The following AGTPBP1 variants were observed in gnomAD, a reference collection of about 807,000 sequenced individuals.
The protein encoded by AGTPBP1 is ATP/GTP binding carboxypeptidase 1.
Under a neutral mutation model 143.9 loss-of-function variants are expected in AGTPBP1, and 70 were observed. The ratio of observed to expected loss-of-function variants is 0.49; its 90% CI spans 0.40 to 0.59. The LOEUF (loss-of-function observed/expected upper bound fraction) is 0.59, where lower values mean the gene tolerates loss of function less well. Ranked by LOEUF, AGTPBP1 falls within the 20% of genes least tolerant of loss-of-function variation. AGTPBP1 has a pLI of 0.00. For missense variants in AGTPBP1, 1,229 were observed against 1,464.5 expected (o/e 0.84, Z 2.62); for synonymous variants, 463 against 500.2 (o/e 0.93, Z 0.99).
intron 2 of AGTPBP1, among the ~76,000 whole-genome samples, chr9:85,697,957 C>G (rs936543935): frequency 2.6e-5 from 4 of 152,134 alleles, no homozygotes; most frequent in Non-Finnish European, 5.9e-5. Flanking sequence ...AATCTGTGTA[C>G]TAGAGAGCAA....
intron 17 of AGTPBP1, among the ~76,000 whole-genome samples, chr9:85,615,797 G>A (rs1830572001): frequency 6.6e-6 from 1 of 151,512 alleles, no homozygotes; most frequent in African/African-American, 2.4e-5. Flanking sequence ...CGTGTACCTG[G>A]CATACAGATA....
At position 85,725,707 on chromosome 9, in the gene AGTPBP1, C is replaced by T. The variant is rs958185182; in HGVS notation, c.-33-13141G>A. On this transcript the variant is annotated intron_variant, in intron 1 of 25. Transcript: ENST00000357081. ...GGAGAACTGCTTGAGCCCAAGAGTT[C>T]GAGACTAGCCTGCACAATATAGGGA... Among the ~76,000 whole-genome samples, 26 of 152,110 alleles carry T rather than the reference C, an allele frequency of 1.7e-4. 1 individual carries two copies. The highest frequency in any genetic ancestry group is 1.2e-3 in the Admixed American group (18 of 15,270).
intron 2 of AGTPBP1, among the ~76,000 whole-genome samples, chr9:85,706,523 AAAAG>A (rs1837013337): frequency 6.6e-6 from 1 of 150,910 alleles, no homozygotes; most frequent in Admixed American, 6.6e-5. Context: ...AAAAAAAAAA[AAAAG>A]AAAGAAAAGA....
the AGTPBP1 span, chr9:85,791,598 A>G: frequency 2.0e-5 from 3 of 152,144 alleles, no homozygotes; most frequent in Non-Finnish European, 4.4e-5. Flanking sequence ...TAGACAAGCA[A>G]AGGATTTTCA....
intron 2 of AGTPBP1, among the ~76,000 whole-genome samples, chr9:85,696,468 G>A (rs1455684131): frequency 6.6e-6 from 1 of 151,998 alleles, no homozygotes; most frequent in Admixed American, 6.6e-5. Flanking sequence ...GAGAGCTCGA[G>A]ACCAGCCTGG....
At chr9:85,637,761 GAACTT>G (rs1832168763) in intron 13 of AGTPBP1, among the ~76,000 whole-genome samples, 1 of 152,182 alleles carries the variant, frequency 6.6e-6, no homozygotes, top group African/African-American at 2.4e-5. Flanking sequence ...AAAACTCACT[GAACTT>G]AAGTGAAACT....
chr9:85,633,014 T>A lies in AGTPBP1; in HGVS notation c.1663A>T (p.Lys555Ter). 1 of 1,614,136 alleles carries A rather than the reference T, an allele frequency of 6.2e-7. No homozygotes were observed. The highest frequency in any genetic ancestry group is 8.5e-7 in the Non-Finnish European group (1 of 1,180,014). The change falls in exon 14 of 26, where the codon AAG becomes TAG. Residue 555 changes from lysine (K) to a stop codon, truncating the protein, a stop_gained. Transcript: ENST00000357081. LOFTEE classifies it high-confidence loss of function. ...QTAPGFTAEM[K>*]KDCSLPLTVL... ...GTAAGAGGAAGACTGCAGTCCTTCT[T>A]CATTTCTGCAGTAAAACCTGGGGCT...
intron 2 of AGTPBP1, among the ~76,000 whole-genome samples, chr9:85,697,452 T>G (rs201048047): frequency 1.3e-3 from 172 of 131,716 alleles, no homozygotes; most frequent in South Asian, 3.5e-3. Flanking sequence ...TTTGTTTTTT[T>G]TTTTTTTTTT....
intron 14 of AGTPBP1, among the ~76,000 whole-genome samples, chr9:85,628,005 G>T (rs1002469536): frequency 6.6e-5 from 10 of 152,170 alleles, no homozygotes; most frequent in Non-Finnish European, 1.5e-4. Flanking sequence ...CCCAACCTCT[G>T]CATTGTTCAA....
chr9:85,617,240 G>GGAT (rs1393178004), intron 17 of AGTPBP1, among the ~76,000 whole-genome samples: 1 of 152,068 alleles, frequency 6.6e-6, no homozygotes, highest in East Asian at 1.9e-4. Flanking sequence ...TAAATGAAAT[G>GGAT]GATGATACAG....
chr9:85,642,961 G>C lies in AGTPBP1; in HGVS notation c.1186-18C>G. ...TCATCATTCTGAAATGATAAAAAGA[G>C]TATGTTATCAGGTAAAACAAAATTT... On this transcript the variant is annotated intron_variant, in intron 12 of 25. Transcript: ENST00000357081. 6.4e-7 allele frequency: 1 copy of C among 1,570,098 alleles called. No individual in the cohort carries two copies. Among genetic ancestry groups the C allele is most frequent in the Non-Finnish European group, 8.7e-7 (1 of 1,146,280 alleles).
chr9:85,756,958 C>T, the AGTPBP1 span, among the ~76,000 whole-genome samples: 10 of 123,588 alleles, frequency 8.1e-5, no homozygotes, highest in Non-Finnish European at 1.2e-4. Context: ...GGGGATTGGG[C>T]GGGGGAAATA....
At chr9:85,586,014 G>A (rs999463461) in intron 22 of AGTPBP1, among the ~76,000 whole-genome samples, 11 of 151,902 alleles carry the variant, frequency 7.2e-5, no homozygotes, top group Non-Finnish European at 4.4e-5. Flanking sequence ...GCATTTCGAC[G>A]CCAGCCTGAC....
chr9:85,618,556 CTT>C lies in AGTPBP1; in HGVS notation c.2335+425_2335+426del, dbSNP rs963526844. On this transcript the variant is annotated intron_variant, in intron 17 of 25. Coordinates refer to ENST00000357081, the MANE Select transcript of AGTPBP1 (RefSeq NM_001330701.2). ...ATGACCAAGTGGGGTTTATTCCACA[CTT>C]TTTTTTTTTAATAAATAAATCCCAC... Among the ~76,000 whole-genome samples, 31 of 145,610 alleles carry C rather than the reference CTT, an allele frequency of 2.1e-4. 1 individual carries two copies. The highest frequency in any genetic ancestry group is 7.8e-4 in the African/African-American group (31 of 39,856).
intron 17 of AGTPBP1, among the ~76,000 whole-genome samples, chr9:85,598,840 C>T (rs1444129349): frequency 2.0e-5 from 3 of 152,128 alleles, no homozygotes; most frequent in African/African-American, 7.2e-5. Context: ...CTGCCTCAGC[C>T]TCCCGAGTAG....
intron 1 of AGTPBP1, among the ~76,000 whole-genome samples, chr9:85,740,844 CGCTA>C (rs1279877421): frequency 6.6e-6 from 1 of 152,178 alleles, no homozygotes; most frequent in Non-Finnish European, 1.5e-5. Flanking sequence ...AGAAAATTTC[CGCTA>C]TCTTCAGGCA....
Position 85,657,496 on chromosome 9 carries a change from T to C in AGTPBP1, c.848A>G (p.Lys283Arg). The C allele has an allele frequency of 5.0e-6, 8 of 1,613,916 alleles. No individual in the cohort carries two copies. The highest frequency in any genetic ancestry group is 6.8e-6 in the Non-Finnish European group (8 of 1,179,916). Residue 283 changes from lysine to arginine, a missense_variant, in exon 10 of 26, where the codon AAG (lysine) becomes AGG (arginine). Coordinates refer to ENST00000357081, the MANE Select transcript of AGTPBP1 (RefSeq NM_001330701.2). ...ATCAATAAATGCTTTTCTTCCCAAC[T>C]TGATGTTTGTAACACTTTTTAAACT... is the stretch of plus-strand genomic sequence containing the variant. ...LQSLKSVTNIKLGRKAFIDAN... is the reference protein window; with the variant it reads ...LQSLKSVTNIRLGRKAFIDAN...
chr9:85,580,694 T>C (rs1465301362), intron 23 of AGTPBP1, among the ~76,000 whole-genome samples: 1 of 152,226 alleles, frequency 6.6e-6, no homozygotes, highest in African/African-American at 2.4e-5. Context: ...TAGTATCAAT[T>C]TGTACAATCT....
Position 85,692,818 on chromosome 9 carries a change from A to C in AGTPBP1, c.33-5T>G, listed in dbSNP as rs753730607. On this transcript the variant is annotated splice_region_variant and splice_polypyrimidine_tract_variant and intron_variant, in intron 2 of 25. Coordinates refer to ENST00000357081, the MANE Select transcript of AGTPBP1 (RefSeq NM_001330701.2). ...ATCCTAGAATTATTGGTAAGGCTAA[A>C]AAGAACGTAGAATGTTAGGGCACAT... 2.7e-5 allele frequency: 44 copies of C among 1,612,596 alleles called. No homozygotes were observed. The Admixed American group carries it at 7.4e-4, about 27-fold the overall frequency.
Sources: allele counts gnomAD v4.1 joint callset (sites outside exome capture counted in the v4.1 genomes callset), GRCh38; gene constraint gnomAD v4.1.1; transcripts MANE v1.5; gene names NCBI Gene and HGNC (gene_info 2026-07-23, HGNC 2026-07-21).